Variants in WWTR1 observed in about 807,000 individuals in gnomAD.
WWTR1 encodes WW domain-containing transcription regulator protein 1.
A neutral mutation model predicts 40.1 loss-of-function variants in WWTR1; 13 were observed. The ratio of observed to expected loss-of-function variants is 0.32; its 90% CI spans 0.21 to 0.52. The LOEUF is 0.52. Among genes scored for constraint, WWTR1 ranks in the 20% least tolerant of loss-of-function variants. The probability of loss-of-function intolerance (pLI) is 0.97; values close to 1 mark genes in which losing one functional copy is unlikely to be tolerated. For synonymous variants in WWTR1, 230 were observed against 210.1 expected, an observed-to-expected ratio of 1.09 and a Z score of -0.82; for missense variants, 436 against 523.1, an observed-to-expected ratio of 0.83 and a Z score of 1.63.
At chr3:149,671,176 G>A (rs1714075972) in intron 1 of WWTR1, among the ~76,000 whole-genome samples, 2 of 151,962 alleles carry the variant, frequency 1.3e-5, no homozygotes, top group Non-Finnish European at 2.9e-5. Flanking sequence ...ACTTTTGAAA[G>A]GAAGAAAGAA....
In WWTR1 at chr3:149,542,470, C is replaced by T; in HGVS notation, c.636G>A (p.Gln212=). The change falls in exon 4 of 7, where the codon CAG becomes CAA. Residue 212 remains glutamine (Q), a synonymous_variant. Coordinates refer to ENST00000360632, the MANE Select transcript of WWTR1 (RefSeq NM_015472.6). ...STLSQQNHPT[Q]NPPAGLMSMP... ...TACTCATGAGCCCTGCGGGTGGGTTCTGAGTGGGGTGGTTCTGCTGGCTCA... is the reference window on the plus strand; with the variant it reads ...TACTCATGAGCCCTGCGGGTGGGTTTTGAGTGGGGTGGTTCTGCTGGCTCA... The T allele has an allele frequency of 6.2e-7, 1 of 1,614,046 alleles. No individual in the cohort carries two copies. The highest frequency in any genetic ancestry group is 8.5e-7 in the Non-Finnish European group (1 of 1,179,966).
chr3:149,578,338 G>A (rs541367590), intron 2 of WWTR1, among the ~76,000 whole-genome samples: 7 of 152,220 alleles, frequency 4.6e-5, no homozygotes, highest in Admixed American at 1.3e-4. Flanking sequence ...CTCACTGTGA[G>A]GATAAAGCAG....
chr3:149,532,914 CAG>C (rs1422947581), intron 4 of WWTR1, among the ~76,000 whole-genome samples: 1 of 152,234 alleles, frequency 6.6e-6, no homozygotes, highest in Non-Finnish European at 1.5e-5. Context: ...TCCATGGAAA[CAG>C]AGGGGTGACA....
At chr3:149,522,252 T>C (rs1218288555) in intron 6 of WWTR1, among the ~76,000 whole-genome samples, 1 of 152,130 alleles carries the variant, frequency 6.6e-6, no homozygotes, top group African/African-American at 2.4e-5. Context: ...GAAGTTTCAC[T>C]ATTTTAAGCA....
intron 2 of WWTR1, among the ~76,000 whole-genome samples, chr3:149,620,233 T>C (rs1740203864): frequency 1.3e-5 from 2 of 152,200 alleles, no homozygotes; most frequent in South Asian, 4.1e-4. Flanking sequence ...CAACTCAGTT[T>C]CTTTATTTTT....
At chr3:149,535,053 G>A (rs1483283640) in intron 4 of WWTR1, among the ~76,000 whole-genome samples, 2 of 152,104 alleles carry the variant, frequency 1.3e-5, no homozygotes, top group Non-Finnish European at 2.9e-5. Context: ...CGCCTTGGCT[G>A]AGGGAACACT....
chr3:149,621,230 T>C (rs573118969), intron 2 of WWTR1, among the ~76,000 whole-genome samples: 44 of 152,358 alleles, frequency 2.9e-4, no homozygotes, highest in African/African-American at 1.0e-3. Flanking sequence ...CAGTCCTTGT[T>C]TTTAAACTTT....
At chr3:149,528,346 C>T (rs1449031541) in intron 4 of WWTR1, among the ~76,000 whole-genome samples, 1 of 152,236 alleles carries the variant, frequency 6.6e-6, no homozygotes, top group Non-Finnish European at 1.5e-5. Context: ...CAATCAGACT[C>T]CTCTGGACTA....
chr3:149,688,447 A>G (rs1388218551), intron 1 of WWTR1, among the ~76,000 whole-genome samples: 1 of 152,152 alleles, frequency 6.6e-6, no homozygotes, highest in Non-Finnish European at 1.5e-5. Flanking sequence ...GAGAGATTCT[A>G]TTTGAGGGAA....
At chr3:149,684,723 C>T (rs1314096445) in intron 1 of WWTR1, among the ~76,000 whole-genome samples, 3 of 152,054 alleles carry the variant, frequency 2.0e-5, no homozygotes, top group African/African-American at 7.2e-5. Flanking sequence ...GCTATCACAC[C>T]CAGCTAATTT....
chr3:149,586,815 A>G (rs1038737181), intron 2 of WWTR1, among the ~76,000 whole-genome samples: 1 of 152,222 alleles, frequency 6.6e-6, no homozygotes, highest in Non-Finnish European at 1.5e-5. Flanking sequence ...GATGAAATCA[A>G]TTATGCCTAT....
chr3:149,652,014 T>TA (rs1397450661), intron 2 of WWTR1, among the ~76,000 whole-genome samples: 5 of 141,738 alleles, frequency 3.5e-5, no homozygotes, highest in African/African-American at 7.9e-5. Context: ...TTTTTTTTTT[T>TA]TGTATTTTTT....
chr3:149,681,558 T>C (rs566623311), intron 1 of WWTR1, among the ~76,000 whole-genome samples: 71 of 152,318 alleles, frequency 4.7e-4, no homozygotes, highest in African/African-American at 1.6e-3. Context: ...TTGTGGGAGT[T>C]CTTTATTTCA....
intron 2 of WWTR1, among the ~76,000 whole-genome samples, chr3:149,626,460 G>A (rs1740547126): frequency 6.7e-6 from 1 of 149,484 alleles, no homozygotes; most frequent in South Asian, 2.1e-4. Context: ...GTTTGAGCTA[G>A]AATTTAAAGA....
chr3:149,606,665 G>A lies in WWTR1; in HGVS notation c.432-33665C>T, dbSNP rs181002580. ...TAGAGTGATGGGCAATACACACTCC[G>A]CCTTCATCCAGCTTCTTGTCAGATA... On this transcript the variant is annotated intron_variant, in intron 2 of 6. Transcript: ENST00000360632. Among the ~76,000 whole-genome samples the A allele has an allele frequency of 9.2e-5, 14 of 152,230 alleles. No homozygotes were observed. The East Asian group carries it at 2.1e-3, about 23-fold the overall frequency.
chr3:149,574,795 T>TAA lies in WWTR1; in HGVS notation c.432-1797_432-1796dup, dbSNP rs35224415. Among the ~76,000 whole-genome samples the TAA allele has an allele frequency of 3.1e-4, 39 of 126,538 alleles. 1 individual carries two copies. Among genetic ancestry groups the TAA allele is most frequent in the East Asian group, 1.5e-3 (6 of 4,048 alleles). The allele number at this position is 126,538 out of a possible 152,430, so 83.0% of individuals were successfully genotyped here. On this transcript the variant is annotated intron_variant, in intron 2 of 6. Transcript: ENST00000360632. ...TCTAAGGTTTTAGAATAAATGTGAT[T>TAA]AAAAAAAAAAAAAAAAAGGCCGGGG... is the stretch of plus-strand genomic sequence containing the variant.
At chr3:149,574,656 AT>A (rs1737797085) in intron 2 of WWTR1, among the ~76,000 whole-genome samples, 1 of 152,074 alleles carries the variant, frequency 6.6e-6, no homozygotes, top group Non-Finnish European at 1.5e-5. Context: ...CTGTCTCCTC[AT>A]TTTTAAATGC....
intron 1 of WWTR1, among the ~76,000 whole-genome samples, chr3:149,682,537 A>C (rs55923045): frequency 0.086 from 13,102 of 152,238 alleles, 746 homozygotes; most frequent in Middle Eastern, 0.15. Flanking sequence ...CTGGTCTAGA[A>C]GAGAAGCATA....
intron 2 of WWTR1, among the ~76,000 whole-genome samples, chr3:149,596,385 A>G (rs1350534837): frequency 6.6e-6 from 1 of 152,170 alleles, no homozygotes; most frequent in African/African-American, 2.4e-5. Context: ...GGCATTTCTA[A>G]TTCCCTTGCT....
Sources: gnomAD v4.1 joint callset for allele counts (sites outside exome capture counted in the v4.1 genomes callset) on GRCh38, gnomAD v4.1.1 for gene constraint, MANE v1.5 for transcripts, NCBI Gene and HGNC (gene_info 2026-07-23, HGNC 2026-07-21) for gene names.